Variants in IFT81 observed in about 807,000 individuals in gnomAD.
The protein encoded by IFT81 is intraflagellar transport 81.
A neutral mutation model predicts 102.6 loss-of-function variants in IFT81; 72 were observed. The ratio of observed to expected loss-of-function variants is 0.70; its 90% confidence interval spans 0.58 to 0.85. The LOEUF is 0.85. Ranked by LOEUF, IFT81 falls within the 40% of genes least tolerant of loss-of-function variation. The pLI, the probability that IFT81 is intolerant of heterozygous loss-of-function variation, is 0.00. For synonymous variants in IFT81, 237 were observed against 242.7 expected, an observed-to-expected ratio of 0.98 and a Z score of 0.22; for missense variants, 723 against 787.3, an observed-to-expected ratio of 0.92 and a Z score of 0.98.
chr12:110,210,760 C>T (rs1056502290), intron 18 of IFT81, among the ~76,000 whole-genome samples: 2 of 151,728 alleles, frequency 1.3e-5, no homozygotes, highest in Middle Eastern at 3.4e-3. Context: ...CACTATCATA[C>T]CAAAATATCA....
chr12:110,170,554 A>G (rs145725878), intron 11 of IFT81, among the ~76,000 whole-genome samples: 55 of 152,336 alleles, frequency 3.6e-4, no homozygotes, highest in African/African-American at 1.3e-3. Context: ...TTGAAAGAGC[A>G]AACAAAAAAT....
chr12:110,137,472 A>G (rs1347590698), intron 8 of IFT81, among the ~76,000 whole-genome samples: 1 of 151,568 alleles, frequency 6.6e-6, no homozygotes, highest in African/African-American at 2.4e-5. Flanking sequence ...GGTAGCTCAC[A>G]CTTATAATCC....
intron 18 of IFT81, among the ~76,000 whole-genome samples, chr12:110,211,254 A>G (rs926869684): frequency 4.7e-5 from 7 of 149,108 alleles, no homozygotes; most frequent in African/African-American, 1.5e-4. Flanking sequence ...CAGTGGTGCA[A>G]TCTCAGCTCA....
chr12:110,158,590 A>AT (rs544670238), intron 10 of IFT81, among the ~76,000 whole-genome samples: 386 of 141,168 alleles, frequency 2.7e-3, no homozygotes, highest in South Asian at 4.5e-3. Flanking sequence ...ATGCTTTGTG[A>AT]TTTTTTTTTT....
At chr12:110,170,567 G>A (rs1259073334) in intron 11 of IFT81, among the ~76,000 whole-genome samples, 1 of 152,172 alleles carries the variant, frequency 6.6e-6, no homozygotes, top group Admixed American at 6.5e-5. Context: ...CAAAAAATCA[G>A]TCCCAATGAT....
chr12:110,151,393 G>T (rs1393805340), intron 10 of IFT81, among the ~76,000 whole-genome samples: 1 of 152,068 alleles, frequency 6.6e-6, no homozygotes. Context: ...ATACTCCATT[G>T]TATAGCTACA....
At position 110,195,986 on chromosome 12, in the gene IFT81, A is replaced by C. The variant is rs79499422; in HGVS notation, c.1557+3280A>C. 9.0e-3 allele frequency among the ~76,000 whole-genome samples: 1,363 copies of C among 152,254 alleles called. 27 individuals are homozygous for C. Among genetic ancestry groups the C allele is most frequent in the African/African-American group, 0.031 (1,304 of 41,526 alleles). Reference sequence around the variant, plus strand: ...ATCTTGAAAAGAATGTCTATTTTCCAGTTGTTGAGTACAGGGTTCTCCCTG... The same window carrying C: ...ATCTTGAAAAGAATGTCTATTTTCCCGTTGTTGAGTACAGGGTTCTCCCTG... On this transcript the variant is annotated intron_variant, in intron 14 of 18. Transcript: ENST00000242591.
At chr12:110,179,843 A>T in intron 11 of IFT81, among the ~76,000 whole-genome samples, 1 of 139,766 alleles carries the variant, frequency 7.2e-6, no homozygotes, top group Non-Finnish European at 1.6e-5. Flanking sequence ...TATACACATA[A>T]TATATATATA....
chr12:110,126,357 G>A (rs1368858626), intron 1 of IFT81, among the ~76,000 whole-genome samples: 2 of 151,990 alleles, frequency 1.3e-5, no homozygotes. Flanking sequence ...AGCTATGAAG[G>A]ACAGGTGTTG....
At chr12:110,130,262 A>G (rs1229482039) in intron 4 of IFT81, among the ~76,000 whole-genome samples, 2 of 152,106 alleles carry the variant, frequency 1.3e-5, no homozygotes, top group Non-Finnish European at 2.9e-5. Context: ...ATTTTACACA[A>G]TGTGGGAAAT....
At chr12:110,132,746 C>A (rs1894246246) in intron 5 of IFT81, 110 bp downstream of exon 5, 1 of 549,636 alleles carries the variant, frequency 1.8e-6, no homozygotes, top group Non-Finnish European at 3.3e-6. Context: ...CTAGTGATAG[C>A]AAATGGCACA....
chr12:110,205,415 G>C, intron 15 of IFT81, 28 bp from the exon 16 acceptor site: 1 of 1,561,740 alleles, frequency 6.4e-7, no homozygotes, highest in Non-Finnish European at 8.6e-7. Flanking sequence ...TTTCGATAAT[G>C]TCACCTATCT....
chr12:110,152,277 T>C (rs1895583761), intron 10 of IFT81, among the ~76,000 whole-genome samples: 1 of 152,240 alleles, frequency 6.6e-6, no homozygotes, highest in Non-Finnish European at 1.5e-5. Context: ...ATCCACAGTG[T>C]ACCAGAGTTC....
intron 9 of IFT81, among the ~76,000 whole-genome samples, chr12:110,146,704 C>T (rs1895242840): frequency 6.6e-6 from 1 of 151,950 alleles, no homozygotes; most frequent in Non-Finnish European, 1.5e-5. Context: ...TGCCATGGCT[C>T]ACGTCTGTAA....
intron 2 of IFT81, 80 bp downstream of exon 2, chr12:110,127,604 T>C: frequency 1.6e-6 from 2 of 1,269,198 alleles, no homozygotes; most frequent in Non-Finnish European, 2.1e-6. Context: ...TTGGGCACAT[T>C]ATTTAACCTC....
intron 14 of IFT81, among the ~76,000 whole-genome samples, chr12:110,202,941 T>G (rs1037602732): frequency 6.6e-6 from 1 of 152,110 alleles, no homozygotes; most frequent in Admixed American, 6.6e-5. Flanking sequence ...CCTGCCTAGG[T>G]CTTCAGCCTC....
At chr12:110,175,656 T>C (rs1310368234) in intron 11 of IFT81, among the ~76,000 whole-genome samples, 2 of 152,234 alleles carry the variant, frequency 1.3e-5, no homozygotes, top group Non-Finnish European at 2.9e-5. Context: ...ATGTATAGTG[T>C]CTGCTTCAGT....
At chr12:110,148,561 C>G (rs549101066) in intron 10 of IFT81, among the ~76,000 whole-genome samples, 1 of 151,786 alleles carries the variant, frequency 6.6e-6, no homozygotes. Context: ...CTGCAACCTC[C>G]GCCTCCCAGG....
chr12:110,212,405 C>T (rs1440510878), intron 18 of IFT81, among the ~76,000 whole-genome samples: 3 of 151,400 alleles, frequency 2.0e-5, no homozygotes, highest in Non-Finnish European at 2.9e-5. Context: ...ATTAGCCAGG[C>T]GTGGTGGCAT....
Sources: gnomAD v4.1 joint callset for allele counts (sites outside exome capture counted in the v4.1 genomes callset) on GRCh38, gnomAD v4.1.1 for gene constraint, MANE v1.5 for transcripts, NCBI Gene and HGNC (gene_info 2026-07-23, HGNC 2026-07-21) for gene names.